GPALPP1: variants seen among roughly 807,000 people sequenced by gnomAD.
The protein encoded by GPALPP1 is GPALPP motifs-containing protein 1.
Under a neutral mutation model 38.9 loss-of-function variants are expected in GPALPP1, and 30 were observed. The ratio of observed to expected loss-of-function variants is 0.77; its 90% CI spans 0.58 to 1.05. GPALPP1 has a LOEUF of 1.05. Ranked by LOEUF, GPALPP1 falls within the 50% of genes least tolerant of loss-of-function variation. GPALPP1 has a pLI of 0.00. For synonymous variants in GPALPP1, 120 were observed against 139.2 expected (o/e 0.86, Z 0.97); for missense variants, 384 against 408.8 (o/e 0.94, Z 0.52).
chr13:45,015,747 G>A (rs1271062920), intron 6 of GPALPP1, 151 bp downstream of exon 6: 1 of 483,470 alleles, frequency 2.1e-6, no homozygotes, highest in African/African-American at 2.0e-5. Flanking sequence ...AGAGTATGAG[G>A]AAGGAAAGTG....
chr13:44,993,491 G>T (rs1873000255), intron 1 of GPALPP1, among the ~76,000 whole-genome samples: 1 of 152,054 alleles, frequency 6.6e-6, no homozygotes, highest in Non-Finnish European at 1.5e-5. Flanking sequence ...ACAAAAATTA[G>T]CCAGGCGTGG....
intron 4 of GPALPP1, among the ~76,000 whole-genome samples, chr13:45,009,495 A>C (rs1213491022): frequency 1.3e-5 from 2 of 152,200 alleles, no homozygotes; most frequent in Non-Finnish European, 2.9e-5. Flanking sequence ...TGCACCTTAC[A>C]AATGCTAAAG....
At chr13:45,031,882 T>C (rs1876212731), downstream of GPALPP1, 1 of 152,224 alleles carries the variant, frequency 6.6e-6, no homozygotes, top group Non-Finnish European at 1.5e-5. Context: ...ATTTCCTACA[T>C]TTCTTGGCCA....
intron 1 of GPALPP1, among the ~76,000 whole-genome samples, chr13:44,998,797 G>C (rs1873469819): frequency 6.6e-6 from 1 of 152,184 alleles, no homozygotes; most frequent in Admixed American, 6.5e-5. Flanking sequence ...TAAAGGACCA[G>C]ATAGTAAATA....
chr13:45,014,589 T>C (rs1874700245), intron 4 of GPALPP1, among the ~76,000 whole-genome samples: 1 of 152,216 alleles, frequency 6.6e-6, no homozygotes. Context: ...TATGTTTGTG[T>C]GTGTGTGTGT....
intron 1 of GPALPP1, among the ~76,000 whole-genome samples, chr13:45,001,134 C>T (rs1292231309): frequency 6.6e-6 from 1 of 152,034 alleles, no homozygotes; most frequent in Non-Finnish European, 1.5e-5. Context: ...TGGTGGTTAC[C>T]CTCATGCTGT....
At chr13:45,011,500 T>C (rs993466266) in intron 4 of GPALPP1, among the ~76,000 whole-genome samples, 4 of 152,154 alleles carry the variant, frequency 2.6e-5, no homozygotes, top group Non-Finnish European at 5.9e-5. Context: ...AACACGTCCA[T>C]CTTCACATGG....
Position 45,021,107 on chromosome 13 carries a change from G to A in GPALPP1, c.804+679G>A, listed in dbSNP as rs186893831. ...TTGGCATATTATTTTGTTATCTTCT[G>A]TCTTTTAAAAAAATGGCAAATGTTG... On this transcript the variant is annotated intron_variant, in intron 7 of 7. Transcript: ENST00000379151. Among the ~76,000 whole-genome samples the A allele has an allele frequency of 1.1e-3, 170 of 152,242 alleles. 1 individual carries two copies. The highest frequency in any genetic ancestry group is 3.4e-3 in the Middle Eastern group (1 of 294).
intron 6 of GPALPP1, among the ~76,000 whole-genome samples, chr13:45,018,266 G>A (rs1300607436): frequency 4.6e-5 from 7 of 152,004 alleles, no homozygotes; most frequent in Admixed American, 2.0e-4. Flanking sequence ...GCGTGGTGGC[G>A]GGCGCCTGTA....
chr13:44,994,000 G>T (rs1317627269), intron 1 of GPALPP1, among the ~76,000 whole-genome samples: 1 of 151,746 alleles, frequency 6.6e-6, no homozygotes, highest in Non-Finnish European at 1.5e-5. Flanking sequence ...ACTTTGGGAA[G>T]CTGAGGCAGG....
intron 4 of GPALPP1, among the ~76,000 whole-genome samples, chr13:45,012,518 T>C (rs1874553276): frequency 6.6e-6 from 1 of 152,198 alleles, no homozygotes; most frequent in Non-Finnish European, 1.5e-5. Context: ...AATAAAAAAT[T>C]GGGGAAAAAA....
At chr13:45,036,443 G>C (rs570740344) in exon 8 of GPALPP1, 1 of 152,252 alleles carries the variant, frequency 6.6e-6, no homozygotes, top group Non-Finnish European at 1.5e-5. Context: ...GGGAGCACTG[G>C]TGGGCTATAG....
intron 1 of GPALPP1, among the ~76,000 whole-genome samples, chr13:45,004,053 G>T (rs1873892564): frequency 6.6e-6 from 1 of 151,978 alleles, no homozygotes; most frequent in Non-Finnish European, 1.5e-5. Context: ...ATAAGTTCGG[G>T]TTTATAAGTT....
intron 1 of GPALPP1, among the ~76,000 whole-genome samples, chr13:44,991,369 C>T (rs1184066119): frequency 6.6e-6 from 1 of 151,940 alleles, no homozygotes; most frequent in East Asian, 1.9e-4. Context: ...ATTGCTTGAA[C>T]CTGGGAGGCG....
chr13:44,991,023 G>A (rs539260304), intron 1 of GPALPP1, among the ~76,000 whole-genome samples: 2 of 152,308 alleles, frequency 1.3e-5, no homozygotes, highest in Non-Finnish European at 2.9e-5. Context: ...CCAGGAGGCG[G>A]AGGTTGCAGT....
chr13:45,003,137 G>A (rs1873810237), intron 1 of GPALPP1, among the ~76,000 whole-genome samples: 1 of 152,160 alleles, frequency 6.6e-6, no homozygotes, highest in Non-Finnish European at 1.5e-5. Flanking sequence ...AGACTCCTGG[G>A]TTCATGTCAC....
intron 1 of GPALPP1, among the ~76,000 whole-genome samples, chr13:44,992,303 G>C (rs867389493): frequency 2.0e-5 from 3 of 152,058 alleles, no homozygotes; most frequent in African/African-American, 4.8e-5. Flanking sequence ...TCAGTCTTTT[G>C]CTTATTTTTC....
intron 1 of GPALPP1, 189 bp downstream of exon 1, chr13:44,989,931 G>A (rs1872660060): frequency 3.4e-6 from 2 of 595,332 alleles, no homozygotes; most frequent in Admixed American, 6.0e-5. Flanking sequence ...TCCTAGAAAC[G>A]AGCTTTGGCG....
intron 7 of GPALPP1, among the ~76,000 whole-genome samples, chr13:45,026,037 TG>T (rs1875810056): frequency 6.6e-6 from 1 of 152,208 alleles, no homozygotes; most frequent in Non-Finnish European, 1.5e-5. Context: ...CCCAAAGTGC[TG>T]GGATTACAGG....
Sources: gnomAD v4.1 joint callset for allele counts (sites outside exome capture counted in the v4.1 genomes callset) on GRCh38, gnomAD v4.1.1 for gene constraint, MANE v1.5 for transcripts, NCBI Gene and HGNC (gene_info 2026-07-23, HGNC 2026-07-21) for gene names.